Variants in THADA observed in about 807,000 individuals in gnomAD.
THADA encodes THADA armadillo repeat containing, also known as tRNA (32-2'-O)-methyltransferase regulator THADA.
THADA carries 213 observed loss-of-function variants against 219.8 expected under a neutral mutation model. That is an observed-to-expected ratio of 0.97 (90% confidence interval 0.87 to 1.09). The LOEUF is 1.09. Ranked by LOEUF, THADA falls within the 50% of genes least tolerant of loss-of-function variation. The probability of loss-of-function intolerance (pLI) is 0.00; values close to 1 mark genes in which losing one functional copy is unlikely to be tolerated. For missense variants in THADA, 2,956 were observed against 2,311.3 expected, an observed-to-expected ratio of 1.28 and a Z score of -5.72; for synonymous variants, 1,018 against 828.9, an observed-to-expected ratio of 1.23 and a Z score of -3.92.
chr2:43,527,856 A>T, intron 22 of THADA, 23 bp downstream of exon 22: 1 of 1,513,432 alleles, frequency 6.6e-7, no homozygotes, highest in Non-Finnish European at 9.1e-7. Flanking sequence ...TTTAAAACGT[A>T]CACAAAAGGA....
chr2:43,472,877 T>A (rs1685069691), intron 26 of THADA, among the ~76,000 whole-genome samples: 1 of 152,080 alleles, frequency 6.6e-6, no homozygotes, highest in Non-Finnish European at 1.5e-5. Context: ...TATCTAAACA[T>A]ACTAAGCATA....
chr2:43,423,005 G>A (rs1677915478), intron 28 of THADA, among the ~76,000 whole-genome samples: 1 of 152,148 alleles, frequency 6.6e-6, no homozygotes, highest in South Asian at 2.1e-4. Flanking sequence ...TGACAACAAC[G>A]AAAAGAATCT....
At chr2:43,415,093 A>G (rs924393426) in intron 28 of THADA, among the ~76,000 whole-genome samples, 3 of 152,144 alleles carry the variant, frequency 2.0e-5, no homozygotes, top group Admixed American at 2.0e-4. Flanking sequence ...AACGTATTCT[A>G]TTTATCTTCC....
intron 25 of THADA, among the ~76,000 whole-genome samples, chr2:43,494,465 G>T (rs531409086): frequency 6.6e-6 from 1 of 152,232 alleles, no homozygotes; most frequent in African/African-American, 2.4e-5. Context: ...TACCTTCTTT[G>T]TATTCTTAAA....
intron 26 of THADA, among the ~76,000 whole-genome samples, chr2:43,462,401 C>G (rs1206209380): frequency 1.3e-5 from 2 of 152,114 alleles, no homozygotes; most frequent in Non-Finnish European, 1.5e-5. Flanking sequence ...ATCTCTAAAT[C>G]AGGCTCTCCT....
Position 43,320,565 on chromosome 2 carries a change from A to G in THADA, c.4344-25T>C, listed in dbSNP as rs770903163. ...CCTAGAAAGGTAAAGAACAGAATAT[A>G]AATTGAGATTTTCTCTCCCTTAGGT... On this transcript the variant is annotated intron_variant, in intron 30 of 37. Transcript: ENST00000405975. 2.5e-6 allele frequency: 4 copies of G among 1,576,662 alleles called. No homozygotes were observed. In the South Asian group the frequency reaches 3.4e-5, roughly 13 times the overall value.
At chr2:43,248,196 G>C (rs1247665118) in intron 36 of THADA, among the ~76,000 whole-genome samples, 41 of 136,026 alleles carry the variant, frequency 3.0e-4, no homozygotes, top group African/African-American at 3.9e-4. Context: ...GAGAGAGAGA[G>C]AGAGAGAGAG....
chr2:43,474,748 A>T (rs1410893427), intron 26 of THADA, among the ~76,000 whole-genome samples: 1 of 152,234 alleles, frequency 6.6e-6, no homozygotes, highest in Non-Finnish European at 1.5e-5. Flanking sequence ...AATTTGAGTG[A>T]TCATAGAGAT....
intron 29 of THADA, among the ~76,000 whole-genome samples, chr2:43,368,069 G>C (rs1164797980): frequency 1.3e-5 from 2 of 152,140 alleles, no homozygotes; most frequent in Non-Finnish European, 2.9e-5. Context: ...AGTGAGCCGA[G>C]ATCACGCCAT....
At chr2:43,293,400 T>G (rs1674978364) in intron 31 of THADA, among the ~76,000 whole-genome samples, 187 bp from the exon 32 acceptor site, 1 of 152,154 alleles carries the variant, frequency 6.6e-6, no homozygotes, top group South Asian at 2.1e-4. Context: ...AATTTCCATT[T>G]AGGTAATGTA....
intron 29 of THADA, among the ~76,000 whole-genome samples, chr2:43,369,494 C>A (rs1016400409): frequency 6.6e-6 from 1 of 152,172 alleles, no homozygotes; most frequent in East Asian, 1.9e-4. Flanking sequence ...GATCTAAAAA[C>A]AATAACTTAT....
chr2:43,591,847 C>A, intron 3 of THADA, 105 bp downstream of exon 3: 2 of 619,750 alleles, frequency 3.2e-6, no homozygotes, highest in South Asian at 4.1e-5. Context: ...TAATGATAAA[C>A]TGATATGCAA....
At chr2:43,387,577 C>T (rs916007954) in intron 29 of THADA, among the ~76,000 whole-genome samples, 12 of 151,136 alleles carry the variant, frequency 7.9e-5, no homozygotes, top group East Asian at 3.9e-4. Flanking sequence ...CTGTATCACA[C>T]CTTGTCCCAC....
intron 26 of THADA, among the ~76,000 whole-genome samples, chr2:43,445,700 T>A (rs753764021): frequency 1.3e-5 from 2 of 152,026 alleles, no homozygotes; most frequent in Admixed American, 6.6e-5. Context: ...TGAGACAGAG[T>A]CTTGCTCTGT....
chr2:43,591,617 T>A (rs1260802389), intron 3 of THADA, among the ~76,000 whole-genome samples: 1 of 152,126 alleles, frequency 6.6e-6, no homozygotes, highest in Non-Finnish European at 1.5e-5. Flanking sequence ...TACTAATAAG[T>A]ATAATCTTTA....
intron 28 of THADA, among the ~76,000 whole-genome samples, chr2:43,405,666 G>C (rs2104742620): frequency 6.6e-6 from 1 of 152,272 alleles, no homozygotes; most frequent in South Asian, 2.1e-4. Context: ...AGAGTAATGA[G>C]TTCGGAGCTT....
intron 26 of THADA, among the ~76,000 whole-genome samples, chr2:43,483,158 T>C (rs896954418): frequency 1.3e-5 from 2 of 152,132 alleles, no homozygotes; most frequent in Non-Finnish European, 2.9e-5. Flanking sequence ...AACTGACTTG[T>C]GAGGTGTGTC....
chr2:43,468,846 A>G (rs1356716754), intron 26 of THADA, among the ~76,000 whole-genome samples: 1 of 152,212 alleles, frequency 6.6e-6, no homozygotes, highest in Non-Finnish European at 1.5e-5. Flanking sequence ...CTCTAGAAGC[A>G]GATACTATTA....
At chr2:43,495,587 T>A (rs1008077268) in intron 25 of THADA, among the ~76,000 whole-genome samples, 7 of 152,076 alleles carry the variant, frequency 4.6e-5, no homozygotes, top group African/African-American at 7.2e-5. Flanking sequence ...GCAGTGCACA[T>A]GTATTACTGT....
Sources: allele counts gnomAD v4.1 joint callset (sites outside exome capture counted in the v4.1 genomes callset), GRCh38; gene constraint gnomAD v4.1.1; transcripts MANE v1.5; gene names NCBI Gene and HGNC (gene_info 2026-07-23, HGNC 2026-07-21).